Variants in NR2C2 observed in about 807,000 individuals in gnomAD.
The protein encoded by NR2C2 is nuclear receptor subfamily 2 group C member 2.
In NR2C2, 6 loss-of-function variants were observed where a neutral mutation model predicts 62.9. The ratio of observed to expected loss-of-function variants is 0.10; its 90% CI spans 0.05 to 0.19. The LOEUF (loss-of-function observed/expected upper bound fraction) is 0.19. Ranked by LOEUF, NR2C2 falls within the 10% of genes least tolerant of loss-of-function variation. NR2C2 has a pLI of 1.00. For synonymous variants in NR2C2, 272 were observed against 273.8 expected (o/e 0.99, Z 0.07); for missense variants, 479 against 762.7 (o/e 0.63, Z 4.38).
At chr3:15,001,750 G>A (rs746691586) in intron 1 of NR2C2, among the ~76,000 whole-genome samples, 4 of 152,012 alleles carry the variant, frequency 2.6e-5, no homozygotes, top group Non-Finnish European at 5.9e-5. Flanking sequence ...CTGAGTACCC[G>A]GGACTTACAG....
chr3:14,963,804 T>A (rs1042643531), intron 1 of NR2C2, among the ~76,000 whole-genome samples: 1 of 152,146 alleles, frequency 6.6e-6, no homozygotes, highest in African/African-American at 2.4e-5. Context: ...AGGATTTTTT[T>A]AAACAAAAAC....
intron 1 of NR2C2, among the ~76,000 whole-genome samples, chr3:15,000,963 C>T (rs1399885955): frequency 4.0e-5 from 6 of 151,166 alleles, no homozygotes; most frequent in Non-Finnish European, 7.4e-5. Context: ...TACAGGCACC[C>T]GTCACCACGC....
At position 15,032,418 on chromosome 3, in the gene NR2C2, C is replaced by T. The variant is rs1559306570; in HGVS notation, c.1150C>T (p.His384Tyr). The T allele has an allele frequency of 6.2e-7, 1 of 1,614,216 alleles. No homozygotes were observed. The highest frequency in any genetic ancestry group is 8.5e-7 in the Non-Finnish European group (1 of 1,180,034). Reference sequence around the variant, plus strand: ...TCCAATGCCAGAGTACCTCAACGTGCACTACATCTGTGAGTCTGCATCCCG... The same window carrying T: ...TCCAATGCCAGAGTACCTCAACGTGTACTACATCTGTGAGTCTGCATCCCG... ...PSPMPEYLNV[H>Y]YICESASRLL... Residue 384 changes from histidine (H) to tyrosine (Y), a missense_variant, in exon 10 of 14, where the codon CAC (histidine) becomes TAC (tyrosine). This residue lies in a region of NR2C2 where 162 missense variants were observed against 296.8 expected (regional missense o/e 0.55). Transcript: ENST00000425241.
Position 14,974,229 on chromosome 3 carries a change from G to A in NR2C2, c.-40+26323G>A, listed in dbSNP as rs116210469. The stretch of plus-strand genomic sequence containing the variant: ...ATTTCACTTAGCATAATATCCTCCC[G>A]GTTCAGGCTATTTGTTTGTATGTCT... On this transcript the variant is annotated intron_variant, in intron 1 of 13. Transcript: ENST00000425241. 5.5e-3 allele frequency among the ~76,000 whole-genome samples: 830 copies of A among 152,118 alleles called. 3 individuals carry two copies. Among genetic ancestry groups the A allele is most frequent in the African/African-American group, 7.4e-3 (306 of 41,466 alleles).
chr3:14,994,439 CTT>C (rs4038325), intron 1 of NR2C2, among the ~76,000 whole-genome samples: 2 of 89,586 alleles, frequency 2.2e-5, no homozygotes, highest in Middle Eastern at 8.8e-3. Flanking sequence ...TTTATTCATT[CTT>C]TTTTTTTTTT....
chr3:15,031,047 C>A (rs543716936), intron 9 of NR2C2, among the ~76,000 whole-genome samples: 2 of 152,274 alleles, frequency 1.3e-5, no homozygotes, highest in African/African-American at 4.8e-5. Context: ...GTGGTAACTG[C>A]TGAGGGCTGA....
chr3:15,015,600 C>T (rs149165541), intron 3 of NR2C2, among the ~76,000 whole-genome samples: 1 of 152,228 alleles, frequency 6.6e-6, no homozygotes, highest in East Asian at 1.9e-4. Flanking sequence ...GTTGTAGTAG[C>T]CAGATAGAGT....
At chr3:14,969,354 C>T (rs550921397) in intron 1 of NR2C2, among the ~76,000 whole-genome samples, 1 of 151,530 alleles carries the variant, frequency 6.6e-6, no homozygotes, top group East Asian at 1.9e-4. Flanking sequence ...GCAATTTTCC[C>T]GCCTTAGCCT....
chr3:15,023,056 C>T (rs2041721767), intron 5 of NR2C2, 144 bp from the exon 6 acceptor site: 18 of 877,938 alleles, frequency 2.1e-5, no homozygotes, highest in East Asian at 5.3e-5. Flanking sequence ...TCTCTCTGGC[C>T]GAAAAGTCCA....
Position 15,049,076 on chromosome 3 carries a change from T to G in NR2C2, c.*6068T>G, listed in dbSNP as rs1343535624. The G allele has an allele frequency of 6.5e-6, 1 of 152,676 alleles. No individual in the cohort carries two copies. The highest frequency in any genetic ancestry group is 1.5e-5 in the Non-Finnish European group (1 of 68,038). The allele number at this position is 152,676 out of a possible 1,614,324, so 9.5% of individuals were successfully genotyped here. A position where few individuals can be genotyped will look rare whatever the true frequency, so the allele number is the denominator to read the frequency against. ...CATTTAAAAAATAGCATGTTCTTTT[T>G]AAACTGAATTTTATATCTAATCAAT... On this transcript the variant is annotated 3_prime_UTR_variant, in exon 14 of 14. Coordinates refer to ENST00000425241, the MANE Select transcript of NR2C2 (RefSeq NM_001291694.2).
intron 1 of NR2C2, among the ~76,000 whole-genome samples, chr3:14,982,445 A>G (rs1484259964): frequency 6.6e-6 from 1 of 152,170 alleles, no homozygotes; most frequent in Admixed American, 6.5e-5. Context: ...ATTTAGAGAG[A>G]GTTGATCTCT....
At chr3:15,037,738 G>A (rs1459231527) in intron 11 of NR2C2, among the ~76,000 whole-genome samples, 1 of 152,196 alleles carries the variant, frequency 6.6e-6, no homozygotes, top group Non-Finnish European at 1.5e-5. Context: ...TACACCTACA[G>A]GCCAGCTGCC....
chr3:14,999,669 A>AT (rs56034439), intron 1 of NR2C2, among the ~76,000 whole-genome samples: 2,166 of 147,228 alleles, frequency 0.015, 50 homozygotes, highest in African/African-American at 0.049. Flanking sequence ...ATCCATTTTG[A>AT]TTTTTTTTTT....
chr3:14,981,872 G>T (rs2040380005), intron 1 of NR2C2, among the ~76,000 whole-genome samples: 1 of 152,182 alleles, frequency 6.6e-6, no homozygotes, highest in South Asian at 2.1e-4. Flanking sequence ...AAAGATGGAG[G>T]CCAGAAGACA....
chr3:14,952,046 A>G (rs1286390579), intron 1 of NR2C2, among the ~76,000 whole-genome samples: 1 of 152,246 alleles, frequency 6.6e-6, no homozygotes, highest in Admixed American at 6.5e-5. Flanking sequence ...GCGCCCAGCA[A>G]CTGGGAAGTT....
intron 1 of NR2C2, among the ~76,000 whole-genome samples, chr3:14,962,803 C>T (rs906207652): frequency 3.3e-5 from 5 of 151,784 alleles, no homozygotes; most frequent in African/African-American, 1.2e-4. Flanking sequence ...CTCTTAGTTT[C>T]TCGTACGCTT....
chr3:15,032,275 C>G, intron 9 of NR2C2, 104 bp from the exon 10 acceptor site: 1 of 1,508,556 alleles, frequency 6.6e-7, no homozygotes, highest in Non-Finnish European at 9.2e-7. Context: ...GACAGCAACT[C>G]TAGATGCCAC....
intron 1 of NR2C2, among the ~76,000 whole-genome samples, chr3:14,963,990 T>C (rs2039764679): frequency 6.6e-6 from 1 of 152,186 alleles, no homozygotes; most frequent in Non-Finnish European, 1.5e-5. Flanking sequence ...ACAAATATTT[T>C]ATTATTATAT....
intron 1 of NR2C2, among the ~76,000 whole-genome samples, chr3:14,957,109 G>T (rs1408042628): frequency 6.6e-6 from 1 of 152,180 alleles, no homozygotes; most frequent in Non-Finnish European, 1.5e-5. Context: ...TGAGCTTAGT[G>T]CCTGAGCCTC....
Sources: gnomAD v4.1 joint callset for allele counts (sites outside exome capture counted in the v4.1 genomes callset) on GRCh38, gnomAD v4.1.1 for gene constraint, gnomAD v4.1.1 regional missense constraint, MANE v1.5 for transcripts, NCBI Gene and HGNC (gene_info 2026-07-23, HGNC 2026-07-21) for gene names.